Variants in LOC400499 observed in about 807,000 individuals in gnomAD.
At chr16:11,436,915 C>G in the LOC400499 span, among the ~76,000 whole-genome samples, 1 of 152,020 alleles carries the variant, frequency 6.6e-6, no homozygotes, top group East Asian at 1.9e-4. Flanking sequence ...TAAAAGAATG[C>G]CTGGTGCTTC....
At chr16:11,398,513 G>A in the LOC400499 span, 62 of 1,232,100 alleles carry the variant, frequency 5.0e-5, no homozygotes, top group Non-Finnish European at 6.0e-5. Flanking sequence ...AATGCCTCTG[G>A]AATGAGAGGG....
the LOC400499 span, among the ~76,000 whole-genome samples, chr16:11,438,650 G>A: frequency 3.5e-4 from 53 of 149,652 alleles, no homozygotes; most frequent in African/African-American, 1.2e-3. Context: ...TTAGCTGGGT[G>A]TTGTGGCAGG....
the LOC400499 span, chr16:11,392,006 C>G: frequency 2.4e-6 from 1 of 411,388 alleles, no homozygotes; most frequent in East Asian, 3.6e-5. Flanking sequence ...GCTGTGATAC[C>G]CACCAATTGC....
At chr16:11,412,983 G>C in the LOC400499 span, 2 of 399,198 alleles carry the variant, frequency 5.0e-6, no homozygotes, top group Non-Finnish European at 8.8e-6. Flanking sequence ...TGAGATGTGT[G>C]GGTGTACATA....
the LOC400499 span, among the ~76,000 whole-genome samples, chr16:11,464,814 G>T: frequency 1.3e-5 from 2 of 150,046 alleles, no homozygotes; most frequent in African/African-American, 5.1e-5. Flanking sequence ...GGACCAGCAG[G>T]AAGATCCACG....
chr16:11,380,107 C>A, the LOC400499 span, among the ~76,000 whole-genome samples: 6 of 152,184 alleles, frequency 3.9e-5, no homozygotes, highest in African/African-American at 1.4e-4. Context: ...ACCACCATGC[C>A]TACTTTTTTT....
chr16:11,453,706 A>G, the LOC400499 span, among the ~76,000 whole-genome samples: 1 of 152,002 alleles, frequency 6.6e-6, no homozygotes, highest in Non-Finnish European at 1.5e-5. Flanking sequence ...GGTGGCCCAC[A>G]CCTCTAATCC....
the LOC400499 span, among the ~76,000 whole-genome samples, chr16:11,389,799 C>T: frequency 6.6e-6 from 1 of 152,072 alleles, no homozygotes; most frequent in Admixed American, 6.6e-5. Context: ...GCTGTACCAG[C>T]CCCGGTGTAG....
the LOC400499 span, chr16:11,450,795 C>A: frequency 2.6e-6 from 4 of 1,534,876 alleles, no homozygotes; most frequent in African/African-American, 4.1e-5. Context: ...AGACCATCAG[C>A]CATGGACTAT....
chr16:11,491,688 A>C, the LOC400499 span: 1 of 336,288 alleles, frequency 3.0e-6, no homozygotes, highest in Non-Finnish European at 5.3e-6. Flanking sequence ...CCACACACAC[A>C]CCCATGGCTC....
chr16:11,499,033 T>C, the LOC400499 span, among the ~76,000 whole-genome samples: 2 of 95,552 alleles, frequency 2.1e-5, no homozygotes, highest in South Asian at 4.5e-4. Flanking sequence ...CGAACATATG[T>C]ACAAATAAAC....
At chr16:11,493,510 C>T in the LOC400499 span, 1 of 388,860 alleles carries the variant, frequency 2.6e-6, no homozygotes, top group Non-Finnish European at 4.5e-6. Flanking sequence ...CCTGTTCACA[C>T]TAGTACCCAG....
the LOC400499 span, chr16:11,472,733 C>G: frequency 6.6e-6 from 1 of 152,206 alleles, no homozygotes; most frequent in Non-Finnish European, 1.5e-5. Flanking sequence ...ATAGTTCCTG[C>G]CTCATGGCGT....
chr16:11,506,399 GTGAGCCAGTA>G, the LOC400499 span, among the ~76,000 whole-genome samples: 2 of 152,190 alleles, frequency 1.3e-5, no homozygotes, highest in Admixed American at 1.3e-4. Context: ...ACCCACTCTT[GTGAGCCAGTA>G]TGAGCCAGTC....
At chr16:11,461,364 C>A in the LOC400499 span, among the ~76,000 whole-genome samples, 6 of 152,280 alleles carry the variant, frequency 3.9e-5, no homozygotes, top group African/African-American at 1.2e-4. Flanking sequence ...GAACTACAGA[C>A]GTGTGCCACC....
the LOC400499 span, chr16:11,440,923 A>T: frequency 5.0e-6 from 2 of 398,964 alleles, no homozygotes; most frequent in African/African-American, 2.1e-5. Context: ...TGTCTGCCCA[A>T]TCTGGGGACC....
At chr16:11,385,281 G>A in the LOC400499 span, 1 of 1,232,310 alleles carries the variant, frequency 8.1e-7, no homozygotes, top group Non-Finnish European at 1.0e-6. Flanking sequence ...CCCCGAGCCT[G>A]TCCGACTCAG....
the LOC400499 span, chr16:11,500,746 C>T: frequency 2.5e-6 from 1 of 398,816 alleles, no homozygotes; most frequent in Non-Finnish European, 4.4e-6. Flanking sequence ...CACATCTAAC[C>T]AGCAGCCAAG....
chr16:11,397,789 G>T, the LOC400499 span, among the ~76,000 whole-genome samples: 4,127 of 134,196 alleles, frequency 0.031, 265 homozygotes, highest in African/African-American at 0.089. Context: ...GAGGGAGGGA[G>T]GGAGGGAGGG....
Sources: gnomAD v4.1 joint callset for allele counts (sites outside exome capture counted in the v4.1 genomes callset) on GRCh38, gnomAD v4.1.1 for gene constraint, MANE v1.5 for transcripts.